Variants in LRP1B observed in about 807,000 individuals in gnomAD.
The protein encoded by LRP1B is LDL receptor related protein 1B, also known as low-density lipoprotein receptor-related protein 1B.
Under a neutral mutation model 556.6 loss-of-function variants are expected in LRP1B, and 217 were observed. The observed-to-expected ratio is 0.39, with a 90% CI of 0.35 to 0.44. LRP1B has a LOEUF of 0.44. LRP1B is among the 20% of genes least tolerant of loss of function. The probability of loss-of-function intolerance (pLI) is 1.00; values close to 1 mark genes in which losing one functional copy is unlikely to be tolerated. For synonymous variants in LRP1B, 2,047 were observed against 1,865.8 expected (o/e 1.10, Z -2.50); for missense variants, 5,053 against 5,620.8 (o/e 0.90, Z 3.23).
At chr2:140,922,669 CAAATA>C (rs1033500880) in intron 21 of LRP1B, among the ~76,000 whole-genome samples, 14 of 151,824 alleles carry the variant, frequency 9.2e-5, no homozygotes, top group Non-Finnish European at 2.1e-4. Flanking sequence ...AATAAATAAA[CAAATA>C]AATTAATTAA....
chr2:140,916,761 T>TC (rs1694591859), intron 21 of LRP1B, among the ~76,000 whole-genome samples: 1 of 152,196 alleles, frequency 6.6e-6, no homozygotes, highest in African/African-American at 2.4e-5. Flanking sequence ...TAGCCACTTT[T>TC]CCCCATACTT....
intron 1 of LRP1B, among the ~76,000 whole-genome samples, chr2:141,920,289 T>TG (rs1558962154): frequency 1.9e-5 from 2 of 104,396 alleles, no homozygotes; most frequent in African/African-American, 3.8e-5. Flanking sequence ...TGGGGGGGGG[T>TG]GGTAGGGATA....
intron 3 of LRP1B, among the ~76,000 whole-genome samples, chr2:141,363,572 G>C (rs969094540): frequency 1.3e-5 from 2 of 151,928 alleles, no homozygotes; most frequent in Non-Finnish European, 2.9e-5. Context: ...AAAATATTTA[G>C]AGTAACAGAT....
At chr2:141,517,277 C>CACACACAT in intron 2 of LRP1B, among the ~76,000 whole-genome samples, 3 of 143,926 alleles carry the variant, frequency 2.1e-5, no homozygotes, top group Non-Finnish European at 2.9e-5. Flanking sequence ...CACACAGACA[C>CACACACAT]ACACACACAC....
intron 63 of LRP1B, among the ~76,000 whole-genome samples, chr2:140,446,592 G>C (rs1686668800): frequency 2.0e-5 from 3 of 151,992 alleles, no homozygotes; most frequent in Admixed American, 2.0e-4. Context: ...ACCTCACCAT[G>C]ACTCTCAAGC....
At chr2:141,169,155 G>T (rs1680385980) in intron 7 of LRP1B, among the ~76,000 whole-genome samples, 1 of 151,668 alleles carries the variant, frequency 6.6e-6, no homozygotes, top group South Asian at 2.1e-4. Context: ...GTATAGTGGT[G>T]GGCCCCTATA....
chr2:140,601,786 T>G (rs1558997037), intron 41 of LRP1B, 147 bp from the exon 42 acceptor site: 7 of 517,980 alleles, frequency 1.4e-5, no homozygotes, highest in Non-Finnish European at 1.6e-5. Context: ...ATGCAGTCAT[T>G]GTGATACCTA....
chr2:141,301,927 T>G (rs149006791), intron 3 of LRP1B, among the ~76,000 whole-genome samples: 162 of 152,320 alleles, frequency 1.1e-3, no homozygotes, highest in African/African-American at 3.8e-3. Context: ...GCTTGAGGAC[T>G]GATATATTGA....
intron 2 of LRP1B, among the ~76,000 whole-genome samples, chr2:141,502,128 G>C (rs1683737569): frequency 6.6e-6 from 1 of 152,138 alleles, no homozygotes; most frequent in Non-Finnish European, 1.5e-5. Flanking sequence ...CTGCCTAGCT[G>C]GGGAGTCCAT....
intron 3 of LRP1B, among the ~76,000 whole-genome samples, chr2:141,293,051 AT>A (rs917243362): frequency 3.3e-5 from 5 of 152,186 alleles, no homozygotes; most frequent in Non-Finnish European, 5.9e-5. Context: ...TTCTAAAAAA[AT>A]CTAACATTCT....
intron 18 of LRP1B, among the ~76,000 whole-genome samples, chr2:140,978,220 T>C (rs555876716): frequency 1.3e-5 from 2 of 152,292 alleles, no homozygotes; most frequent in South Asian, 4.1e-4. Flanking sequence ...GCAAGTAAAA[T>C]AAATTAGGTT....
At chr2:141,100,435 C>T (rs1700431212) in intron 7 of LRP1B, among the ~76,000 whole-genome samples, 1 of 152,192 alleles carries the variant, frequency 6.6e-6, no homozygotes, top group African/African-American at 2.4e-5. Flanking sequence ...CCCTCAAACA[C>T]CTTTTCCCTG....
At chr2:140,748,084 G>T (rs1688377409) in intron 35 of LRP1B, among the ~76,000 whole-genome samples, 1 of 88,470 alleles carries the variant, frequency 1.1e-5, no homozygotes, top group South Asian at 3.9e-4. Flanking sequence ...AATTTTTAAA[G>T]TCCTATGAAT....
chr2:141,601,599 T>TTTCCTTCCTTCCTTCCTTCA (rs1687740642), intron 2 of LRP1B, among the ~76,000 whole-genome samples: 1 of 140,642 alleles, frequency 7.1e-6, no homozygotes, highest in Non-Finnish European at 1.5e-5. Flanking sequence ...GTAGCACTCC[T>TTTCCTTCCTTCCTTCCTTCA]TTCCTTCCTT....
chr2:141,210,284 C>T (rs1476073622), intron 6 of LRP1B, among the ~76,000 whole-genome samples: 10 of 151,670 alleles, frequency 6.6e-5, no homozygotes, highest in Non-Finnish European at 4.4e-5. Flanking sequence ...GACAAAAATC[C>T]ATTAGGAAAG....
At chr2:140,629,602 T>C (rs1216167165) in intron 41 of LRP1B, among the ~76,000 whole-genome samples, 1 of 152,196 alleles carries the variant, frequency 6.6e-6, no homozygotes, top group Non-Finnish European at 1.5e-5. Flanking sequence ...TGGAATACTA[T>C]GTAGTTGTCT....
intron 1 of LRP1B, among the ~76,000 whole-genome samples, chr2:141,892,986 A>C (rs558202305): frequency 2.6e-5 from 4 of 152,204 alleles, no homozygotes; most frequent in Admixed American, 2.0e-4. Context: ...GAAATGTTTT[A>C]ATCTTAATTT....
intron 11 of LRP1B, among the ~76,000 whole-genome samples, chr2:141,040,072 A>C (rs905860651): frequency 1.3e-5 from 2 of 152,080 alleles, no homozygotes; most frequent in African/African-American, 4.8e-5. Context: ...CAAGAGTTGC[A>C]AATGTTGACA....
chr2:140,531,559 A>G (rs1690693574), intron 47 of LRP1B, among the ~76,000 whole-genome samples: 1 of 152,176 alleles, frequency 6.6e-6, no homozygotes, highest in African/African-American at 2.4e-5. Flanking sequence ...CCATACAGCT[A>G]TGAAATAATT....
Sources: allele counts gnomAD v4.1 joint callset (sites outside exome capture counted in the v4.1 genomes callset), GRCh38; gene constraint gnomAD v4.1.1; transcripts MANE v1.5; gene names NCBI Gene and HGNC (gene_info 2026-07-23, HGNC 2026-07-21).